MFRP: variants seen among roughly 807,000 people sequenced by gnomAD.
MFRP encodes the protein membrane frizzled-related protein, also known as C1q and TNF related 5.
In MFRP, 74 loss-of-function variants were observed where a neutral mutation model predicts 65.8. The ratio of observed to expected loss-of-function variants is 1.12; its 90% CI spans 0.93 to 1.36. The LOEUF (loss-of-function observed/expected upper bound fraction) is 1.36. Ranked by LOEUF, MFRP falls within the 40% of genes most tolerant of loss-of-function variation. The pLI is 0.00. For synonymous variants in MFRP, 336 were observed against 288.3 expected (o/e 1.17, Z -1.68); for missense variants, 838 against 736.0 (o/e 1.14, Z -1.60).
chr11:119,343,879 C>T lies in MFRP; in HGVS notation c.1061G>A (p.Cys354Tyr), dbSNP rs999112328. Reference sequence around the variant, plus strand: ...ATACACCTCCACGTAGTCAAACTTGCACTCGTCCTGAGCCTCCAGGCTGAA... The same window carrying T: ...ATACACCTCCACGTAGTCAAACTTGTACTCGTCCTGAGCCTCCAGGCTGAA... ...HNFSLEAQDE[C>Y]KFDYVEVYET... The change falls in exon 9 of 15, where the codon TGC (cysteine) becomes TAC (tyrosine). Residue 354 changes from cysteine (C) to tyrosine (Y), a missense_variant. Transcript: ENST00000619721. 3 of 1,613,980 alleles carry T rather than the reference C, an allele frequency of 1.9e-6. No individual in the cohort carries two copies. Among genetic ancestry groups the T allele is most frequent in the African/African-American group, 2.7e-5 (2 of 74,986 alleles).
In MFRP at chr11:119,343,023, G is replaced by C; in HGVS notation, c.1125-20C>G. The C allele has an allele frequency of 6.3e-7, 1 of 1,588,538 alleles. No individual in the cohort carries two copies. The highest frequency in any genetic ancestry group is 8.6e-7 in the Non-Finnish European group (1 of 1,169,468). On this transcript the variant is annotated intron_variant, in intron 9 of 14. Transcript: ENST00000619721. ...CAGAACCTGCCCAAAGCAGACAGCT[G>C]TTCTGGGCACCAGCCCTGGCTGACT...
chr11:119,346,679 G>T lies in MFRP; in HGVS notation c.-166C>A, dbSNP rs1950574703. 4.3e-6 allele frequency: 3 copies of T among 704,496 alleles called. No homozygotes were observed. Among genetic ancestry groups the T allele is most frequent in the Non-Finnish European group, 7.7e-6 (3 of 392,144 alleles). The allele number at this position is 704,496 out of a possible 1,614,324, so 43.6% of individuals were successfully genotyped here. ...TGGGCTGTCCTTGGTAGAGTGGTTT[G>T]GCCTATGGGCTACTCTGTCTCTGTG... On this transcript the variant is annotated 5_prime_UTR_variant, in exon 1 of 15. Transcript: ENST00000619721.
chr11:119,339,917 A>T lies in MFRP; in HGVS notation c.*1111-69T>A. On this transcript the variant is annotated intron_variant, in intron 14 of 14. Coordinates refer to ENST00000619721, the MANE Select transcript of MFRP (RefSeq NM_031433.4). The surrounding 1 kb of genome is among the most constrained non-coding windows in gnomAD (Gnocchi z 5.4). ...AGCCCGCAGCGGGGCGGCGACTCTA[A>T]GGTCACCGTACCCCTCCCCGCCCCT... 1.4e-6 allele frequency: 2 copies of T among 1,422,130 alleles called. No individual in the cohort carries two copies. The highest frequency in any genetic ancestry group is 1.8e-6 in the Non-Finnish European group (2 of 1,093,908). 88.1% of individuals were successfully genotyped at this position (1,422,130 alleles called of 1,614,324 possible). A position where few individuals can be genotyped will look rare whatever the true frequency, so the allele number is the denominator to read the frequency against.
Position 119,342,632 on chromosome 11 carries a change from C to T in MFRP, c.1351G>A (p.Asp451Asn), listed in dbSNP as rs372817789. 6.2e-6 allele frequency: 10 copies of T among 1,613,492 alleles called. No individual in the cohort carries two copies. Among genetic ancestry groups the T allele is most frequent in the Admixed American group, 3.3e-5 (2 of 59,988 alleles). ...DMWRDCTDGS[D>N]DNCSGPLFPP... ...AACAAGGGGCCGCTGCAGTTGTCAT[C>T]GCTGCCATCGGTGCAGTCTCTCCAC... The change falls in exon 11 of 15, where the codon GAT (aspartate) becomes AAT (asparagine). Residue 451 changes from aspartate (D) to asparagine (N), a missense_variant. Transcript: ENST00000619721.
rs374278010 is a variant in MFRP at position 119,343,935 on chromosome 11, G to A, written c.1005C>T (p.Ala335=). 8.7e-6 allele frequency: 14 copies of A among 1,613,272 alleles called. No individual in the cohort carries two copies. The highest frequency in any genetic ancestry group is 8.0e-5 in the African/African-American group (6 of 74,802). ...GGAACTGTAGTTCTATGCTGTGTCCGGCAGGCACCGAGATATGCCAGGTGC... is the reference window on the plus strand; with the variant it reads ...GGAACTGTAGTTCTATGCTGTGTCCAGCAGGCACCGAGATATGCCAGGTGC... ...LLCTWHISVP[A]GHSIELQFHN... The change falls in exon 9 of 15, where the codon GCC becomes GCT. Residue 335 remains alanine, a synonymous_variant. Coordinates refer to ENST00000619721, the MANE Select transcript of MFRP (RefSeq NM_031433.4).
At chr11:119,343,708 G>T in intron 9 of MFRP, 108 bp downstream of exon 9, 1 of 1,409,014 alleles carries the variant, frequency 7.1e-7, no homozygotes, top group Non-Finnish European at 1.0e-6. Context: ...GCCTGGAGTA[G>T]CAGAAGAAAA....
intron 14 of MFRP, 62 bp downstream of exon 14, chr11:119,340,122 C>A: frequency 6.8e-7 from 1 of 1,476,190 alleles, no homozygotes; most frequent in Non-Finnish European, 9.0e-7. Context: ...ACACCGGGAG[C>A]TGGAGCTGCG....
In MFRP at chr11:119,341,947, G is replaced by C. The variant is rs369711800; in HGVS notation, c.1425C>G (p.Leu475=). ...AGGCTGTGGTGTTGTAGCTCAGACC[G>C]AGGCACATCTCCACCTGGACAGGCT... is the stretch of plus-strand genomic sequence containing the variant. ...ACEPVQVEMC[L]GLSYNTTAFP... The change falls in exon 12 of 15, where the codon CTC becomes CTG. Residue 475 remains leucine (L), a synonymous_variant. Coordinates refer to ENST00000619721, the MANE Select transcript of MFRP (RefSeq NM_031433.4). 1.9e-6 allele frequency: 3 copies of C among 1,613,816 alleles called. No individual in the cohort carries two copies. Among genetic ancestry groups the C allele is most frequent in the African/African-American group, 1.3e-5 (1 of 74,940 alleles).
Position 119,343,978 on chromosome 11 carries a change from T to G in MFRP, c.976-14A>C, listed in dbSNP as rs200069261. 1,094 of 1,610,298 alleles carry G rather than the reference T, an allele frequency of 6.8e-4. 1 individual carries two copies. The highest frequency in any genetic ancestry group is 8.6e-4 in the Non-Finnish European group (1,018 of 1,179,756). On this transcript the variant is annotated splice_polypyrimidine_tract_variant and intron_variant, in intron 8 of 14. Transcript: ENST00000619721. ...CCAGGTGCAGAGCTGGGGGAGGGCA[T>G]AGGTGGAGCAATTCATGGCCCCTTC...
chr11:119,342,112 G>T, intron 11 of MFRP, 128 bp from the exon 12 acceptor site: 1 of 1,127,540 alleles, frequency 8.9e-7, no homozygotes, highest in Admixed American at 2.0e-5. Context: ...GAAGCAAGAG[G>T]ATAACAAAGA....
intron 9 of MFRP, 148 bp downstream of exon 9, chr11:119,343,668 G>A (rs1950526485): frequency 2.0e-6 from 2 of 996,490 alleles, no homozygotes; most frequent in Non-Finnish European, 3.1e-6. Context: ...GGTGAGAGCT[G>A]TCTTTAGGGT....
In MFRP at chr11:119,340,192, C is replaced by T. The variant is rs1290728815; in HGVS notation, c.*1102G>A. The T allele has an allele frequency of 4.0e-6, 6 of 1,515,268 alleles. No homozygotes were observed. In the African/African-American group the frequency reaches 8.7e-5, roughly 22 times the overall value. 93.9% of individuals were successfully genotyped at this position (1,515,268 alleles called of 1,614,324 possible). On this transcript the variant is annotated 3_prime_UTR_variant, in exon 14 of 15. Transcript: ENST00000619721. ...CGGCGGTGCCTTCTTACCCGGCCTCCCGCCCTCGCCTTTCTCTCCCGGAGC... is the reference window on the plus strand; with the variant it reads ...CGGCGGTGCCTTCTTACCCGGCCTCTCGCCCTCGCCTTTCTCTCCCGGAGC...
intron 9 of MFRP, 71 bp from the exon 10 acceptor site, chr11:119,343,074 G>T: frequency 2.0e-6 from 3 of 1,535,832 alleles, no homozygotes; most frequent in African/African-American, 2.7e-5. Context: ...CCTCCCACAG[G>T]CCTGGCTCTG....
chr11:119,342,598 G>C lies in MFRP; in HGVS notation c.1385C>G (p.Pro462Arg), dbSNP rs1275135911. The C allele has an allele frequency of 6.2e-7, 1 of 1,613,136 alleles. No individual in the cohort carries two copies. ...GTCCCCAGGGGCAGGCTTCTCACCTGGGGGTGGGAACAAGGGGCCGCTGCA... is the reference window on the plus strand; with the variant it reads ...GTCCCCAGGGGCAGGCTTCTCACCTCGGGGTGGGAACAAGGGGCCGCTGCA... The part of the protein sequence containing the change: ...DNCSGPLFPP[P>R]ELACEPVQVE... Residue 462 changes from proline (P) to arginine (R), a missense_variant and splice_region_variant, in exon 11 of 15, where the codon CCA (proline) becomes CGA (arginine). Physicochemically the swap from Pro to Arg is moderately radical, Grantham distance 103 (BLOSUM62 -2). Coordinates refer to ENST00000619721, the MANE Select transcript of MFRP (RefSeq NM_031433.4).
At chr11:119,342,284 C>T (rs538655104) in intron 11 of MFRP, among the ~76,000 whole-genome samples, 124 of 152,300 alleles carry the variant, frequency 8.1e-4, no homozygotes, top group Non-Finnish European at 1.1e-3. Context: ...ACCCCCTGCT[C>T]TGTGTAAGAG....
At position 119,340,338 on chromosome 11, in the gene MFRP, G is replaced by A. The variant is rs1427104534; in HGVS notation, c.*956C>T. The A allele has an allele frequency of 4.5e-6, 7 of 1,543,706 alleles. No homozygotes were observed. The South Asian group carries it at 4.8e-5, about 11-fold the overall frequency. Reference sequence around the variant, plus strand: ...GGCAGAGGCTGGGGATCTTGTTGTCGTCCAGTGGGGGCGAGCCGGCCGCCA... The same window carrying A: ...GGCAGAGGCTGGGGATCTTGTTGTCATCCAGTGGGGGCGAGCCGGCCGCCA... On this transcript the variant is annotated 3_prime_UTR_variant, in exon 14 of 15. Transcript: ENST00000619721.
rs1050350671 is a variant in MFRP at position 119,340,045 on chromosome 11, C to G, written c.*1110+139G>C. The G allele has an allele frequency of 7.9e-6, 10 of 1,268,804 alleles. No individual in the cohort carries two copies. The Admixed American group carries it at 1.7e-4, about 22-fold the overall frequency. 78.6% of individuals were successfully genotyped at this position (1,268,804 alleles called of 1,614,324 possible). The stretch of plus-strand genomic sequence containing the variant: ...GCCAAGGGGGCTCCCGCCGCCTGGG[C>G]CCCTCCCCCGCTCAGGGCTGCAAAG... On this transcript the variant is annotated intron_variant, in intron 14 of 14. Transcript: ENST00000619721.
intron 14 of MFRP, 116 bp downstream of exon 14, chr11:119,340,068 A>G: frequency 1.5e-6 from 2 of 1,329,492 alleles, no homozygotes; most frequent in Non-Finnish European, 2.0e-6. Context: ...CAGGGCTGCA[A>G]AGCGCGGGGA....
At position 119,344,030 on chromosome 11, in the gene MFRP, G is replaced by A. The variant is rs1950531677; in HGVS notation, c.976-66C>T. 1.9e-6 allele frequency: 3 copies of A among 1,600,462 alleles called. No individual in the cohort carries two copies. The South Asian group carries it at 3.3e-5, about 18-fold the overall frequency. ...CCTGTCTCATCCCGGGCACCCAGAA[G>A]GGTCTTCTTCCCCCACTGCTGGCTG... On this transcript the variant is annotated intron_variant, in intron 8 of 14. Transcript: ENST00000619721.
Sources: gnomAD v4.1 joint callset for allele counts (sites outside exome capture counted in the v4.1 genomes callset) on GRCh38, gnomAD v4.1.1 for gene constraint, Gnocchi (gnomAD v3.1) non-coding constraint, MANE v1.5 for transcripts, NCBI Gene and HGNC (gene_info 2026-07-23, HGNC 2026-07-21) for gene names.